SYT14: variants seen among roughly 807,000 people sequenced by gnomAD.
SYT14 encodes the protein synaptotagmin-14.
In SYT14, 32 loss-of-function variants were observed where a neutral mutation model predicts 74.2. The ratio of observed to expected loss-of-function variants is 0.43; its 90% confidence interval spans 0.33 to 0.58. SYT14 has a LOEUF of 0.58. Among genes scored for constraint, SYT14 ranks in the 20% least tolerant of loss-of-function variants. SYT14 has a pLI of 0.05. For missense variants in SYT14, 791 were observed against 981.8 expected, an observed-to-expected ratio of 0.81 and a Z score of 2.60; for synonymous variants, 298 against 337.7, an observed-to-expected ratio of 0.88 and a Z score of 1.29.
chr1:210,064,004 G>A (rs937008214), intron 5 of SYT14, among the ~76,000 whole-genome samples: 1 of 151,680 alleles, frequency 6.6e-6, no homozygotes, highest in African/African-American at 2.4e-5. Flanking sequence ...ATATTTTCAC[G>A]ATCCATTTTT....
At chr1:210,021,731 T>C (rs2080308515) in intron 5 of SYT14, among the ~76,000 whole-genome samples, 1 of 152,224 alleles carries the variant, frequency 6.6e-6, no homozygotes, top group African/African-American at 2.4e-5. Flanking sequence ...ATCTGTTTTG[T>C]GCAGAAGGGA....
At chr1:210,158,186 G>T (rs983777052) in intron 8 of SYT14, among the ~76,000 whole-genome samples, 2 of 152,202 alleles carry the variant, frequency 1.3e-5, no homozygotes, top group African/African-American at 2.4e-5. Flanking sequence ...AGAATAAACA[G>T]ATTTGGTAGT....
chr1:210,088,904 A>ATACAT (rs2081801556), intron 5 of SYT14, among the ~76,000 whole-genome samples: 2 of 151,698 alleles, frequency 1.3e-5, no homozygotes, highest in African/African-American at 4.8e-5. Context: ...TTATACTTTA[A>ATACAT]GTTCTGGGAT....
chr1:210,132,011 A>G lies in SYT14; in HGVS notation c.2035-23710A>G, dbSNP rs540392744. On this transcript the variant is annotated intron_variant, in intron 7 of 9. Coordinates refer to ENST00000637265, the Ensembl canonical transcript of SYT14. ...ACATCCCACACTAGACCACTCTTCT[A>G]CGGAAACACTCTCCTTACTCTACTT... Among the ~76,000 whole-genome samples the G allele has an allele frequency of 5.9e-5, 9 of 152,144 alleles. No individual in the cohort carries two copies. In the South Asian group the frequency reaches 8.3e-4, roughly 14 times the overall value.
intron 5 of SYT14, among the ~76,000 whole-genome samples, chr1:210,039,531 A>G (rs1011013342): frequency 6.6e-6 from 1 of 152,204 alleles, no homozygotes; most frequent in Non-Finnish European, 1.5e-5. Flanking sequence ...AAAATTGACA[A>G]AAGGGATCTA....
At chr1:210,155,727 G>A in exon 8 of SYT14, 4 of 1,614,010 alleles carry the variant, frequency 2.5e-6, no homozygotes, top group Non-Finnish European at 3.4e-6. Flanking sequence ...ACAGGGCTGT[G>A]ACTCCCAAAT....
At chr1:210,056,161 G>A (rs945329773) in intron 5 of SYT14, among the ~76,000 whole-genome samples, 7 of 151,914 alleles carry the variant, frequency 4.6e-5, no homozygotes, top group African/African-American at 9.7e-5. Flanking sequence ...TGATGACATC[G>A]TATTATAAAA....
intron 1 of SYT14, among the ~76,000 whole-genome samples, chr1:209,942,115 A>G (rs1480619417): frequency 1.3e-5 from 2 of 152,116 alleles, no homozygotes; most frequent in African/African-American, 4.8e-5. Flanking sequence ...GGCCAATTGT[A>G]TTTTGTATGA....
intron 4 of SYT14, among the ~76,000 whole-genome samples, chr1:210,018,173 C>T (rs1168759762): frequency 4.6e-5 from 7 of 152,154 alleles, no homozygotes; most frequent in South Asian, 2.1e-4. Flanking sequence ...CTTGCGCTGT[C>T]GCCAGGCTGG....
chr1:210,162,522 T>A (rs2083394036), exon 10 of SYT14: 1 of 346,572 alleles, frequency 2.9e-6, no homozygotes, highest in Non-Finnish European at 5.5e-6. Context: ...GAGTATGTTT[T>A]ATATATATTA....
chr1:210,151,233 T>C (rs2083151525), intron 7 of SYT14, among the ~76,000 whole-genome samples: 1 of 152,188 alleles, frequency 6.6e-6, no homozygotes, highest in Non-Finnish European at 1.5e-5. Context: ...CACCTGCAGC[T>C]ACTGCTACCT....
rs115418245 is a variant in SYT14 at position 210,094,990 on chromosome 1, T to C, written c.1584+397T>C. 2.3e-3 allele frequency among the ~76,000 whole-genome samples: 358 copies of C among 152,342 alleles called. 2 individuals are homozygous for C. Among genetic ancestry groups the C allele is most frequent in the African/African-American group, 8.0e-3 (334 of 41,586 alleles). On this transcript the variant is annotated intron_variant, in intron 6 of 9. Transcript: ENST00000637265. ...TCACAAGTCTTTCAAAATAATCTTA[T>C]TGTATTTTCATATCATAGAAAATGC...
At chr1:210,067,179 A>C (rs879569426) in intron 5 of SYT14, among the ~76,000 whole-genome samples, 2 of 152,026 alleles carry the variant, frequency 1.3e-5, no homozygotes, top group African/African-American at 2.4e-5. Context: ...TGCCAGTACC[A>C]CACTCTCTTG....
chr1:209,943,094 T>C (rs914250843), intron 1 of SYT14, among the ~76,000 whole-genome samples: 1 of 152,234 alleles, frequency 6.6e-6, no homozygotes, highest in African/African-American at 2.4e-5. Context: ...ATTTGAAATA[T>C]TCAGTTAAAA....
chr1:209,958,802 T>G (rs1050620040), intron 2 of SYT14, among the ~76,000 whole-genome samples: 1 of 152,234 alleles, frequency 6.6e-6, no homozygotes, highest in Non-Finnish European at 1.5e-5. Flanking sequence ...CTAGTTATAC[T>G]TTTTATTTCT....
At chr1:210,106,884 C>G (rs1204965672) in intron 7 of SYT14, among the ~76,000 whole-genome samples, 1 of 152,160 alleles carries the variant, frequency 6.6e-6, no homozygotes, top group African/African-American at 2.4e-5. Flanking sequence ...GTCAAAAGTC[C>G]AAGTCCAAAG....
chr1:210,065,816 G>A (rs2081285123), intron 5 of SYT14, among the ~76,000 whole-genome samples: 1 of 151,678 alleles, frequency 6.6e-6, no homozygotes, highest in Non-Finnish European at 1.5e-5. Context: ...ATGTTGGTGT[G>A]CTGCACCCAT....
At chr1:210,075,630 G>T (rs1187596808) in intron 5 of SYT14, among the ~76,000 whole-genome samples, 1 of 152,168 alleles carries the variant, frequency 6.6e-6, no homozygotes, top group Non-Finnish European at 1.5e-5. Context: ...ACCGTGCCTG[G>T]CCGGTCTTGA....
chr1:210,147,901 T>G (rs2130629), intron 7 of SYT14, among the ~76,000 whole-genome samples: 5,678 of 152,160 alleles, frequency 0.037, 625 homozygotes, highest in East Asian at 0.23. Context: ...GAAAGAACAC[T>G]GCAAGCGGAT....
Sources: gnomAD v4.1 joint callset for allele counts (sites outside exome capture counted in the v4.1 genomes callset) on GRCh38, gnomAD v4.1.1 for gene constraint, MANE v1.5 for transcripts, NCBI Gene and HGNC (gene_info 2026-07-23, HGNC 2026-07-21) for gene names.